The following CEP97 variants were observed in gnomAD, a reference collection of about 807,000 sequenced individuals.
CEP97 encodes centrosomal protein of 97 kDa.
A neutral mutation model predicts 73.1 loss-of-function variants in CEP97; 43 were observed. The observed-to-expected ratio is 0.59, with a 90% confidence interval of 0.46 to 0.76. The LOEUF is 0.76. CEP97 is among the 30% of genes least tolerant of loss of function. The probability of loss-of-function intolerance (pLI) is 0.00; values close to 1 mark genes in which losing one functional copy is unlikely to be tolerated. For synonymous variants in CEP97, 337 were observed against 370.0 expected (o/e 0.91, Z 1.02); for missense variants, 939 against 1,014.0 (o/e 0.93, Z 1.00).
chr3:101,765,317 G>A lies in CEP97; in HGVS notation c.2364G>A (p.Arg788=). The A allele has an allele frequency of 6.2e-7, 1 of 1,614,120 alleles. No homozygotes were observed. Among genetic ancestry groups the A allele is most frequent in the Non-Finnish European group, 8.5e-7 (1 of 1,180,020 alleles). ...AACAGCTGGAAGATGCTGATGAGAG[G>A]ACCAATTTTGATACAGAGACAAGAG... ...SVQQLEDADE[R]TNFDTETRDS... is the part of the protein sequence containing the mutation. Residue 788 remains arginine, a synonymous_variant, in exon 11 of 11, where the codon AGG becomes AGA. Transcript: ENST00000341893.
chr3:101,752,117 G>C (rs1369597968), intron 6 of CEP97, among the ~76,000 whole-genome samples: 1 of 152,280 alleles, frequency 6.6e-6, no homozygotes, highest in African/African-American at 2.4e-5. Flanking sequence ...GCATTTGCTT[G>C]TCTGTAAAGG....
At chr3:101,759,163 A>G (rs1939103086) in intron 9 of CEP97, 1 of 152,214 alleles carries the variant, frequency 6.6e-6, no homozygotes, top group Admixed American at 6.5e-5. Context: ...ATGATTTGCT[A>G]AAAGGACTCA....
In CEP97 at chr3:101,763,845, T is replaced by C. The variant is rs549947362; in HGVS notation, c.1894-1002T>C. On this transcript the variant is annotated intron_variant, in intron 10 of 10. Coordinates refer to ENST00000341893, the MANE Select transcript of CEP97 (RefSeq NM_024548.4). ...CTTATTTCAAGGGCTCTAACCTGTC[T>C]TATTGAATAGATCTCATTATATCTT... 2.6e-5 allele frequency among the ~76,000 whole-genome samples: 4 copies of C among 152,212 alleles called. No individual in the cohort carries two copies. In the South Asian group the frequency reaches 8.3e-4, roughly 32 times the overall value.
chr3:101,724,975 C>T (rs1010543606), intron 1 of CEP97, among the ~76,000 whole-genome samples: 3 of 152,216 alleles, frequency 2.0e-5, no homozygotes, highest in African/African-American at 7.2e-5. Flanking sequence ...CCCTGGCTCC[C>T]GCGCTCCCGA....
At chr3:101,748,238 G>GTT (rs1225835630) in intron 6 of CEP97, among the ~76,000 whole-genome samples, 8 of 145,814 alleles carry the variant, frequency 5.5e-5, no homozygotes, top group African/African-American at 1.8e-4. Flanking sequence ...TTTTGTTTTT[G>GTT]GTTTTTTTTT....
intron 4 of CEP97, 42 bp from the exon 5 acceptor site, chr3:101,731,798 G>A: frequency 8.7e-7 from 1 of 1,151,958 alleles, no homozygotes; most frequent in Non-Finnish European, 1.3e-6. Flanking sequence ...CAATTTATTT[G>A]TAATCTTTTC....
At chr3:101,753,382 C>T (rs1397042238) in intron 6 of CEP97, among the ~76,000 whole-genome samples, 2 of 152,210 alleles carry the variant, frequency 1.3e-5, no homozygotes, top group Non-Finnish European at 2.9e-5. Flanking sequence ...GGCAGTCTGC[C>T]CGTTCTCAGA....
At chr3:101,739,398 T>C (rs1320134627) in intron 6 of CEP97, among the ~76,000 whole-genome samples, 1 of 152,190 alleles carries the variant, frequency 6.6e-6, no homozygotes, top group African/African-American at 2.4e-5. Context: ...GTATCCCTGA[T>C]GAACATTAAT....
At chr3:101,727,002 G>T (rs139406167) in intron 2 of CEP97, among the ~76,000 whole-genome samples, 1 of 152,180 alleles carries the variant, frequency 6.6e-6, no homozygotes, top group East Asian at 1.9e-4. Context: ...CATGATGGGG[G>T]TAAAGAGTTC....
At chr3:101,747,241 C>A (rs554899376) in intron 6 of CEP97, among the ~76,000 whole-genome samples, 156 of 151,566 alleles carry the variant, frequency 1.0e-3, no homozygotes, top group Non-Finnish European at 1.9e-3. Flanking sequence ...TATCAGATAC[C>A]CTTTTATTCA....
rs1398632857 is a variant in CEP97, at chr3:101,731,890, T to C, written c.498T>C (p.Ala166=). The change falls in exon 5 of 11, where the codon GCT becomes GCC. Residue 166 remains alanine (A), a synonymous_variant. Coordinates refer to ENST00000341893, the MANE Select transcript of CEP97 (RefSeq NM_024548.4). ...TCACCTCTCTTAGAATGGCACCTGC[T>C]TACCTACCCAGAAGTCTTGCTATAC... The part of the protein sequence containing the change: ...NIITSLRMAP[A]YLPRSLAILS... 17 of 1,612,610 alleles carry C rather than the reference T, an allele frequency of 1.1e-5. No homozygotes were observed. The highest frequency in any genetic ancestry group is 1.4e-5 in the Non-Finnish European group (16 of 1,178,726).
Position 101,724,736 on chromosome 3 carries a change from C to G in CEP97, c.43+17C>G. On this transcript the variant is annotated intron_variant, in intron 1 of 10. Coordinates refer to ENST00000341893, the MANE Select transcript of CEP97 (RefSeq NM_024548.4). Reference sequence around the variant, plus strand: ...CCGGAGAAGGTAAGGCGATCCCTACCCCGAGTCCTAAGGTTTACTTCACGG... The same window carrying G: ...CCGGAGAAGGTAAGGCGATCCCTACGCCGAGTCCTAAGGTTTACTTCACGG... The G allele has an allele frequency of 6.2e-7, 1 of 1,613,732 alleles. No individual in the cohort carries two copies. Among genetic ancestry groups the G allele is most frequent in the Non-Finnish European group, 8.5e-7 (1 of 1,179,576 alleles).
chr3:101,748,594 G>A (rs1230532486), intron 6 of CEP97, among the ~76,000 whole-genome samples: 2 of 152,178 alleles, frequency 1.3e-5, no homozygotes, highest in Non-Finnish European at 2.9e-5. Context: ...ATTTCATGAA[G>A]ATTCTAAATG....
chr3:101,727,309 C>G (rs997466465), intron 2 of CEP97, 74 bp from the exon 3 acceptor site: 5 of 1,294,854 alleles, frequency 3.9e-6, no homozygotes, highest in Non-Finnish European at 4.3e-6. Context: ...CTAAATAAAC[C>G]TTTTAAATCA....
intron 6 of CEP97, among the ~76,000 whole-genome samples, chr3:101,743,050 T>C (rs184117065): frequency 6.6e-6 from 1 of 151,868 alleles, no homozygotes; most frequent in African/African-American, 2.4e-5. Context: ...TTGAGACCAG[T>C]CTGGGCAATA....
chr3:101,757,133 A>G lies in CEP97; in HGVS notation c.964A>G (p.Arg322Gly), dbSNP rs781563241. Residue 322 changes from arginine (R) to glycine (G), a missense_variant, in exon 8 of 11, where the codon AGG (arginine) becomes GGG (glycine). Transcript: ENST00000341893. The part of the protein sequence containing the change: ...ELSPLVPVET[R>G]ASLIPEHSSP... Reference sequence around the variant, plus strand: ...GTCTCCTCTTGTTCCTGTTGAAACAAGGGCATCCCTTATTCCTGAGCATTC... The same window carrying G: ...GTCTCCTCTTGTTCCTGTTGAAACAGGGGCATCCCTTATTCCTGAGCATTC... 3.0e-5 allele frequency: 49 copies of G among 1,613,446 alleles called. No individual in the cohort carries two copies. Among genetic ancestry groups the G allele is most frequent in the Admixed American group, 2.2e-4 (13 of 59,868 alleles).
chr3:101,744,618 A>G (rs1938560507), intron 6 of CEP97, among the ~76,000 whole-genome samples: 1 of 149,046 alleles, frequency 6.7e-6, no homozygotes, highest in Non-Finnish European at 1.5e-5. Flanking sequence ...GTTACTCTCA[A>G]ACTAGGAACT....
chr3:101,730,797 G>T (rs1454673028), intron 4 of CEP97, among the ~76,000 whole-genome samples: 7 of 152,090 alleles, frequency 4.6e-5, no homozygotes, highest in Non-Finnish European at 1.0e-4. Context: ...ATTACCATCA[G>T]ATATGTTCAT....
At chr3:101,748,710 G>C (rs1223137401) in intron 6 of CEP97, among the ~76,000 whole-genome samples, 2 of 152,066 alleles carry the variant, frequency 1.3e-5, no homozygotes, top group Admixed American at 1.3e-4. Context: ...GCGCAATCTC[G>C]GCTTACTGCA....
Sources: allele counts gnomAD v4.1 joint callset (sites outside exome capture counted in the v4.1 genomes callset), GRCh38; gene constraint gnomAD v4.1.1; transcripts MANE v1.5; gene names NCBI Gene and HGNC (gene_info 2026-07-23, HGNC 2026-07-21).